Variants in NTM observed in about 807,000 individuals in gnomAD.
The protein encoded by NTM is IgLON family member 2.
In NTM, 13 loss-of-function variants were observed where a neutral mutation model predicts 42.1. That is an observed-to-expected ratio of 0.31 (90% CI 0.20 to 0.49). The LOEUF is 0.49. Among genes scored for constraint, NTM ranks in the 20% least tolerant of loss-of-function variants. The pLI is 0.99. For synonymous variants in NTM, 187 were observed against 179.2 expected (o/e 1.04, Z -0.35); for missense variants, 373 against 452.8 (o/e 0.82, Z 1.60).
chr11:131,986,722 C>A (rs2066127914), intron 2 of NTM, among the ~76,000 whole-genome samples: 1 of 152,168 alleles, frequency 6.6e-6, no homozygotes, highest in South Asian at 2.1e-4. Flanking sequence ...AATATAACCT[C>A]CATGAGGGCC....
chr11:131,845,333 G>C (rs375950933), intron 1 of NTM, among the ~76,000 whole-genome samples: 2 of 152,106 alleles, frequency 1.3e-5, no homozygotes, highest in Admixed American at 6.5e-5. Context: ...GGTTGGGGGA[G>C]CTTGTGTTTG....
chr11:131,497,423 G>A lies in NTM; in HGVS notation c.82+126535G>A, dbSNP rs144316276. Among the ~76,000 whole-genome samples the A allele has an allele frequency of 2.7e-3, 410 of 152,140 alleles. 2 individuals are homozygous for A. The highest frequency in any genetic ancestry group is 9.2e-3 in the African/African-American group (380 of 41,492). On this transcript the variant is annotated intron_variant, in intron 1 of 8. Coordinates refer to ENST00000683400, the MANE Select transcript of NTM (RefSeq NM_001352005.2). ...AGGCTGGTCTTGAACTCCTGACCTC[G>A]TGATCTGCCCGCCTTGGCCTTCCAA... is the stretch of plus-strand genomic sequence containing the variant.
At chr11:132,084,183 A>G (rs1566116309) in intron 2 of NTM, among the ~76,000 whole-genome samples, 2 of 152,126 alleles carry the variant, frequency 1.3e-5, no homozygotes, top group Non-Finnish European at 2.9e-5. Flanking sequence ...CTGATTATAA[A>G]CCATCTTTTG....
intron 1 of NTM, chr11:131,534,054 G>A (rs927778453): frequency 6.6e-6 from 1 of 152,484 alleles, no homozygotes; most frequent in African/African-American, 2.4e-5. Context: ...GGGGTCTGGA[G>A]GGGGGCGGTT....
At chr11:132,235,773 C>A (rs2088703039) in intron 4 of NTM, among the ~76,000 whole-genome samples, 1 of 151,972 alleles carries the variant, frequency 6.6e-6, no homozygotes, top group African/African-American at 2.4e-5. Flanking sequence ...AAAAGTGAAC[C>A]CCCTGGGAAA....
intron 1 of NTM, among the ~76,000 whole-genome samples, chr11:131,403,081 T>C (rs1260804736): frequency 6.6e-6 from 1 of 152,234 alleles, no homozygotes; most frequent in Non-Finnish European, 1.5e-5. Flanking sequence ...TGCTTACAAC[T>C]TTTTCCAGAT....
intron 1 of NTM, among the ~76,000 whole-genome samples, chr11:131,574,833 C>T (rs992350834): frequency 6.6e-6 from 1 of 152,048 alleles, no homozygotes; most frequent in African/African-American, 2.4e-5. Context: ...ACGGGGGCTG[C>T]TCCCTCCCCA....
intron 2 of NTM, among the ~76,000 whole-genome samples, chr11:132,109,250 A>G (rs1361895455): frequency 6.6e-6 from 1 of 152,160 alleles, no homozygotes; most frequent in African/African-American, 2.4e-5. Flanking sequence ...TGGTATTTCT[A>G]GTTCTAGATC....
At chr11:131,639,249 T>G (rs1484320946) in intron 1 of NTM, among the ~76,000 whole-genome samples, 1 of 152,206 alleles carries the variant, frequency 6.6e-6, no homozygotes, top group Non-Finnish European at 1.5e-5. Flanking sequence ...CCATTTGGAA[T>G]GGAAAGTGAT....
chr11:132,305,896 TATG>T (rs1292307853), intron 4 of NTM, among the ~76,000 whole-genome samples: 1 of 152,244 alleles, frequency 6.6e-6, no homozygotes, highest in Non-Finnish European at 1.5e-5. Flanking sequence ...GTTTTCTACT[TATG>T]AAGAGGTTCC....
chr11:132,323,715 C>T (rs2095619895), intron 7 of NTM, among the ~76,000 whole-genome samples: 1 of 151,550 alleles, frequency 6.6e-6, no homozygotes, highest in Non-Finnish European at 1.5e-5. Flanking sequence ...TGGGCAGAGA[C>T]ACAACCAAAA....
At chr11:132,028,898 C>G (rs2075553509) in intron 2 of NTM, among the ~76,000 whole-genome samples, 1 of 152,040 alleles carries the variant, frequency 6.6e-6, no homozygotes, top group Non-Finnish European at 1.5e-5. Context: ...TCTTGAACCT[C>G]CTAGGGCTCC....
intron 2 of NTM, among the ~76,000 whole-genome samples, chr11:132,078,028 A>T (rs2058584061): frequency 6.6e-6 from 1 of 152,238 alleles, no homozygotes. Context: ...GTATAAAAGG[A>T]TGCACTACAA....
At chr11:131,495,430 GC>G (rs1192019046) in intron 1 of NTM, among the ~76,000 whole-genome samples, 2 of 152,242 alleles carry the variant, frequency 1.3e-5, no homozygotes, top group African/African-American at 4.8e-5. Flanking sequence ...TGGCCCAGGG[GC>G]CAGGAAAGCT....
At chr11:132,207,995 C>A (rs1247549269) in intron 3 of NTM, among the ~76,000 whole-genome samples, 4 of 152,102 alleles carry the variant, frequency 2.6e-5, no homozygotes, top group Admixed American at 6.5e-5. Context: ...TAGTTTATGT[C>A]TCTAATGCTT....
At chr11:132,204,668 C>G (rs1406503380) in intron 3 of NTM, among the ~76,000 whole-genome samples, 1 of 152,124 alleles carries the variant, frequency 6.6e-6, no homozygotes. Flanking sequence ...AGGGAGAATG[C>G]TGTGGGAAGA....
intron 2 of NTM, among the ~76,000 whole-genome samples, chr11:132,005,906 AACAATAACCT>A (rs1429244781): frequency 6.6e-6 from 1 of 152,222 alleles, no homozygotes; most frequent in Non-Finnish European, 1.5e-5. Context: ...ATTTTAAAAC[AACAATAACCT>A]AGGTTTTGAA....
intron 2 of NTM, among the ~76,000 whole-genome samples, chr11:131,922,854 G>A (rs1369460647): frequency 2.6e-5 from 4 of 152,080 alleles, no homozygotes; most frequent in African/African-American, 9.7e-5. Context: ...CTTTTTAATC[G>A]CCTGGTGCCT....
chr11:132,148,178 T>G (rs1235032576), intron 3 of NTM, among the ~76,000 whole-genome samples: 1 of 152,268 alleles, frequency 6.6e-6, no homozygotes, highest in East Asian at 1.9e-4. Flanking sequence ...TTTGAACTGA[T>G]GCATGCAAAC....
Sources: gnomAD v4.1 joint callset for allele counts (sites outside exome capture counted in the v4.1 genomes callset) on GRCh38, gnomAD v4.1.1 for gene constraint, MANE v1.5 for transcripts, NCBI Gene and HGNC (gene_info 2026-07-23, HGNC 2026-07-21) for gene names.